PEX5: variants seen among roughly 807,000 people sequenced by gnomAD.
The protein encoded by PEX5 is PTS1 receptor.
Under a neutral mutation model 82.9 loss-of-function variants are expected in PEX5, and 52 were observed. The ratio of observed to expected loss-of-function variants is 0.63; its 90% confidence interval spans 0.50 to 0.79. PEX5 has a LOEUF of 0.79. Among genes scored for constraint, PEX5 ranks in the 30% least tolerant of loss-of-function variants. The pLI, the probability that PEX5 is intolerant of heterozygous loss-of-function variation, is 0.00. For synonymous variants in PEX5, 300 were observed against 318.8 expected (o/e 0.94, Z 0.63); for missense variants, 719 against 815.2 (o/e 0.88, Z 1.44).
intron 17 of PEX5, among the ~76,000 whole-genome samples, chr12:7,216,560 G>A (rs1273989078): frequency 7.2e-6 from 1 of 139,708 alleles, no homozygotes; most frequent in Non-Finnish European, 1.6e-5. Flanking sequence ...TTTATTTTAC[G>A]ATCATAACTT....
rs80155601 is a variant in PEX5 at position 7,205,621 on chromosome 12, A to T, written c.967-2038A>T. 5.9e-3 allele frequency among the ~76,000 whole-genome samples: 901 copies of T among 152,316 alleles called. 2 individuals carry two copies. The highest frequency in any genetic ancestry group is 8.4e-3 in the Non-Finnish European group (571 of 68,018). On this transcript the variant is annotated intron_variant, in intron 10 of 15. Transcript: ENST00000675855. ...AATGACTTGGGTTTGGCTTTTCAGGATGTAACAGTGAAGCCAAGCTTATCC... is the reference window on the plus strand; with the variant it reads ...AATGACTTGGGTTTGGCTTTTCAGGTTGTAACAGTGAAGCCAAGCTTATCC...
At chr12:7,208,815 C>G (rs370416146) in intron 13 of PEX5, 146 bp downstream of exon 13, 1 of 887,718 alleles carries the variant, frequency 1.1e-6, no homozygotes, top group East Asian at 2.5e-5. Context: ...TGAAGGAGGT[C>G]TGCATTCTAC....
At chr12:7,191,149 TC>T in intron 3 of PEX5, 76 bp from the exon 4 acceptor site, 1 of 1,507,498 alleles carries the variant, frequency 6.6e-7, no homozygotes, top group Non-Finnish European at 9.2e-7. Context: ...AACATTGGGA[TC>T]CCCCTCCAGT....
intron 10 of PEX5, among the ~76,000 whole-genome samples, chr12:7,204,152 A>G (rs1384210693): frequency 6.6e-6 from 1 of 152,210 alleles, no homozygotes; most frequent in Non-Finnish European, 1.5e-5. Flanking sequence ...TCTTACTGAA[A>G]AACAAATCTA....
chr12:7,203,956 A>T (rs1452717884), intron 10 of PEX5, among the ~76,000 whole-genome samples: 1 of 148,866 alleles, frequency 6.7e-6, no homozygotes, highest in Non-Finnish European at 1.5e-5. Flanking sequence ...TTTACTTTTT[A>T]AACTCACATA....
chr12:7,218,365 TG>T (rs1331393466), intron 17 of PEX5: 1 of 152,240 alleles, frequency 6.6e-6, no homozygotes, highest in East Asian at 1.9e-4. Flanking sequence ...ACTGTACGAC[TG>T]GGTTTTATTC....
chr12:7,200,877 G>A (rs773232465), intron 6 of PEX5, among the ~76,000 whole-genome samples: 5 of 149,312 alleles, frequency 3.3e-5, no homozygotes, highest in African/African-American at 7.7e-5. Context: ...GAGGGAGACC[G>A]TGGAAAGAGA....
Position 7,190,344 on chromosome 12 carries a change from ACCT to A in PEX5, c.-16-14_-16-12del, listed in dbSNP as rs755522051. The A allele has an allele frequency of 6.2e-6, 10 of 1,613,468 alleles. No individual in the cohort carries two copies. The African/African-American group carries it at 6.7e-5, about 11-fold the overall frequency. On this transcript the variant is annotated splice_polypyrimidine_tract_variant and intron_variant, in intron 1 of 15. Transcript: ENST00000675855. ...TCTGGCTTGGGTACCTCAGTTCCAA[ACCT>A]CCTGTGTCCATCAGAGAGCTGGCGG...
At chr12:7,211,730 T>C (rs1363076860), downstream of PEX5, among the ~76,000 whole-genome samples, 1 of 152,168 alleles carries the variant, frequency 6.6e-6, no homozygotes, top group African/African-American at 2.4e-5. Context: ...CAGTGCCATA[T>C]AATTGTTAGG....
At chr12:7,216,217 C>T (rs1176326775), downstream of PEX5, among the ~76,000 whole-genome samples, 1 of 152,226 alleles carries the variant, frequency 6.6e-6, no homozygotes, top group Middle Eastern at 3.2e-3. Flanking sequence ...ATCCACCCGC[C>T]TTAGCTTCCC....
chr12:7,189,702 C>G lies in PEX5; in HGVS notation c.-65C>G. Reference sequence around the variant, plus strand: ...CCCCGCCCCCTCTTCTCCCCTCCCCCAAGCCAGCACCTGGTGCCCCGGCGG... The same window carrying G: ...CCCCGCCCCCTCTTCTCCCCTCCCCGAAGCCAGCACCTGGTGCCCCGGCGG... On this transcript the variant is annotated 5_prime_UTR_variant, in exon 1 of 16. Coordinates refer to ENST00000675855, the MANE Select transcript of PEX5 (RefSeq NM_001351132.2). 2.7e-6 allele frequency: 1 copy of G among 375,546 alleles called. No homozygotes were observed. The highest frequency in any genetic ancestry group is 4.7e-6 in the Non-Finnish European group (1 of 214,214). 23.3% of individuals were successfully genotyped at this position (375,546 alleles called of 1,614,324 possible).
downstream of PEX5, among the ~76,000 whole-genome samples, chr12:7,216,049 C>G (rs1207672394): frequency 1.3e-5 from 2 of 152,088 alleles, no homozygotes; most frequent in South Asian, 2.1e-4. Context: ...CTCACTGCAA[C>G]CTCTGCCTCC....
intron 15 of PEX5, 53 bp from the exon 16 acceptor site, chr12:7,209,969 T>C: frequency 6.2e-7 from 1 of 1,604,372 alleles, no homozygotes; most frequent in South Asian, 1.1e-5. Context: ...GCTGACCTGC[T>C]TCCTTCCATT....
chr12:7,202,277 G>T lies in PEX5; in HGVS notation c.679G>T (p.Val227Leu). 1 of 1,614,142 alleles carries T rather than the reference G, an allele frequency of 6.2e-7. No individual in the cohort carries two copies. The highest frequency in any genetic ancestry group is 8.5e-7 in the Non-Finnish European group (1 of 1,180,030). Residue 227 changes from valine to leucine, a missense_variant, in exon 8 of 16, where the codon GTG (valine) becomes TTG (leucine). Coordinates refer to ENST00000675855, the MANE Select transcript of PEX5 (RefSeq NM_001351132.2). Reference protein sequence around the residue: ...KFVRQIGEGQVSLESGAGSGR... With the variant: ...KFVRQIGEGQLSLESGAGSGR... ...CGTGCGGCAGATTGGCGAAGGGCAG[G>T]TGTCCCTGGAGTCCGGTGCAGGGTC...
Position 7,191,299 on chromosome 12 carries a change from A to G in PEX5, c.257A>G (p.Asp86Gly). 2 of 1,613,890 alleles carry G rather than the reference A, an allele frequency of 1.2e-6. No homozygotes were observed. The highest frequency in any genetic ancestry group is 1.3e-5 in the African/African-American group (1 of 74,904). The change falls in exon 4 of 16, where the codon GAC (aspartate) becomes GGC (glycine). Residue 86 changes from aspartate (D) to glycine (G), a missense_variant. Asp to Gly is a moderately conservative substitution (Grantham distance 94). Transcript: ENST00000675855. The stretch of plus-strand genomic sequence containing the variant: ...GCCCCTCAGACCTTCAAGATGGATG[A>G]CCTCCTGGCTGAGATGCAGCAGATT... ...SRAPQTFKMD[D>G]LLAEMQQIEQ...
chr12:7,193,306 G>A (rs962881333), intron 5 of PEX5, among the ~76,000 whole-genome samples: 2 of 146,220 alleles, frequency 1.4e-5, no homozygotes, highest in African/African-American at 5.1e-5. Flanking sequence ...CAATCTGTAC[G>A]CACTGCAACC....
At position 7,203,414 on chromosome 12, in the gene PEX5, G is replaced by C; in HGVS notation, c.847-18G>C. 2 of 1,608,560 alleles carry C rather than the reference G, an allele frequency of 1.2e-6. No individual in the cohort carries two copies. Among genetic ancestry groups the C allele is most frequent in the East Asian group, 4.5e-5 (2 of 44,804 alleles). On this transcript the variant is annotated intron_variant, in intron 9 of 15. Coordinates refer to ENST00000675855, the MANE Select transcript of PEX5 (RefSeq NM_001351132.2). ...CATGATGGATCTCCTTTTTCTATCTGCTTTCCCTTCCTTACAGTCTGATGT... is the reference window on the plus strand; with the variant it reads ...CATGATGGATCTCCTTTTTCTATCTCCTTTCCCTTCCTTACAGTCTGATGT...
At chr12:7,202,848 G>A (rs1056240224) in intron 9 of PEX5, 144 bp downstream of exon 9, 7 of 729,258 alleles carry the variant, frequency 9.6e-6, no homozygotes, top group Admixed American at 4.1e-5. Flanking sequence ...GGATGGGGTG[G>A]GTGCTGTTGA....
intron 13 of PEX5, 37 bp from the exon 14 acceptor site, chr12:7,208,968 C>G (rs746656047): frequency 7.6e-6 from 12 of 1,580,544 alleles, no homozygotes; most frequent in South Asian, 3.3e-5. Context: ...TAGAGACATT[C>G]ATCTACCTAC....
Sources: gnomAD v4.1 joint callset for allele counts (sites outside exome capture counted in the v4.1 genomes callset) on GRCh38, gnomAD v4.1.1 for gene constraint, MANE v1.5 for transcripts, NCBI Gene and HGNC (gene_info 2026-07-23, HGNC 2026-07-21) for gene names.